LRRC4C: variants seen among roughly 807,000 people sequenced by gnomAD.
LRRC4C encodes leucine-rich repeat-containing protein 4C.
LRRC4C carries 5 observed loss-of-function variants against 33.6 expected under a neutral mutation model. That is an observed-to-expected ratio of 0.15 (90% CI 0.08 to 0.31). The LOEUF is 0.31. LRRC4C is among the 10% of genes least tolerant of loss of function. LRRC4C has a pLI of 1.00. For synonymous variants in LRRC4C, 329 were observed against 302.0 expected, an observed-to-expected ratio of 1.09 and a Z score of -0.93; for missense variants, 560 against 796.7, an observed-to-expected ratio of 0.70 and a Z score of 3.58.
chr11:41,246,482 G>C (rs1591052452), intron 1 of LRRC4C, among the ~76,000 whole-genome samples: 1 of 152,142 alleles, frequency 6.6e-6, no homozygotes, highest in African/African-American at 2.4e-5. Flanking sequence ...ATCCGCAGTC[G>C]TGGCTGAGCA....
At chr11:40,341,101 A>T (rs967659001) in intron 3 of LRRC4C, among the ~76,000 whole-genome samples, 1 of 152,204 alleles carries the variant, frequency 6.6e-6, no homozygotes, top group Non-Finnish European at 1.5e-5. Flanking sequence ...CAACAGTCAA[A>T]AACCCTAAAA....
intron 2 of LRRC4C, among the ~76,000 whole-genome samples, chr11:40,698,799 G>A (rs116839287): frequency 0.013 from 2,054 of 152,196 alleles, 43 homozygotes; most frequent in African/African-American, 0.047. Context: ...TGAGGCAGAC[G>A]AGAGAAATGA....
chr11:40,922,649 C>T (rs1957230449), intron 2 of LRRC4C, among the ~76,000 whole-genome samples: 2 of 152,154 alleles, frequency 1.3e-5, no homozygotes, highest in African/African-American at 4.8e-5. Context: ...TACCTGTAGT[C>T]TGTCAATAAC....
intron 3 of LRRC4C, among the ~76,000 whole-genome samples, chr11:40,610,996 T>C (rs903881675): frequency 1.3e-5 from 2 of 151,826 alleles, no homozygotes; most frequent in African/African-American, 4.8e-5. Flanking sequence ...ATACCAATGA[T>C]TGTTTCTGCA....
intron 4 of LRRC4C, among the ~76,000 whole-genome samples, chr11:40,267,512 C>A (rs1183101232): frequency 6.6e-6 from 1 of 152,060 alleles, no homozygotes; most frequent in Non-Finnish European, 1.5e-5. Flanking sequence ...CCACCACACC[C>A]GGCTAATTTT....
At chr11:41,133,906 T>C (rs1245354763) in intron 1 of LRRC4C, among the ~76,000 whole-genome samples, 1 of 152,078 alleles carries the variant, frequency 6.6e-6, no homozygotes, top group East Asian at 1.9e-4. Context: ...TTCAAGATAG[T>C]CTGCTGAAAC....
chr11:40,881,695 C>A (rs181036269), intron 2 of LRRC4C, among the ~76,000 whole-genome samples: 1 of 150,340 alleles, frequency 6.7e-6, no homozygotes, highest in African/African-American at 2.5e-5. Flanking sequence ...ATTGGGAACA[C>A]AACAATCTCA....
chr11:41,406,243 G>C (rs908623546), intron 1 of LRRC4C, among the ~76,000 whole-genome samples: 2 of 151,974 alleles, frequency 1.3e-5, no homozygotes, highest in Admixed American at 1.3e-4. Flanking sequence ...ATTTTTAAAA[G>C]GTAAAATTTT....
chr11:40,710,605 G>A (rs990677052), intron 2 of LRRC4C, among the ~76,000 whole-genome samples: 11 of 152,128 alleles, frequency 7.2e-5, no homozygotes, highest in Non-Finnish European at 1.2e-4. Context: ...AGGGGCACCC[G>A]GCTGTTTGAG....
intron 2 of LRRC4C, among the ~76,000 whole-genome samples, chr11:40,674,024 A>C (rs1374579981): frequency 6.6e-6 from 1 of 152,184 alleles, no homozygotes; most frequent in Non-Finnish European, 1.5e-5. Context: ...GGCTGCCATA[A>C]GGCATTACCC....
At chr11:40,380,238 C>T (rs757824009) in intron 3 of LRRC4C, among the ~76,000 whole-genome samples, 13 of 152,048 alleles carry the variant, frequency 8.5e-5, no homozygotes, top group Non-Finnish European at 1.5e-4. Context: ...ATGGAGAGAA[C>T]GATCATCTGA....
chr11:40,251,076 C>T (rs1212440946), intron 4 of LRRC4C, among the ~76,000 whole-genome samples: 1 of 152,094 alleles, frequency 6.6e-6, no homozygotes, highest in African/African-American at 2.4e-5. Context: ...GTACATTTTG[C>T]AAGAAACAAA....
rs74893818 is a variant in LRRC4C at position 40,265,881 on chromosome 11, C to T, written c.-175-24283G>A. Among the ~76,000 whole-genome samples the T allele has an allele frequency of 4.4e-3, 662 of 152,118 alleles. 5 individuals are homozygous for T. Among genetic ancestry groups the T allele is most frequent in the African/African-American group, 0.013 (557 of 41,494 alleles). On this transcript the variant is annotated intron_variant, in intron 4 of 6. Coordinates refer to ENST00000528697, the MANE Select transcript of LRRC4C (RefSeq NM_001258419.2). ...AAACATAATTTGTTTGTTTGCAAGA[C>T]GAGAAGGAAGAATTTGACAGATTTT...
In LRRC4C at chr11:41,414,838, G is replaced by T. The variant is rs139394726; in HGVS notation, c.-496+44593C>A. The stretch of plus-strand genomic sequence containing the variant: ...TAATGGTACTCTAAAAAAAGAAAAA[G>T]AAAAAGAAAAAGAAGAAATCTTCCC... On this transcript the variant is annotated intron_variant, in intron 1 of 6. Coordinates refer to ENST00000528697, the MANE Select transcript of LRRC4C (RefSeq NM_001258419.2). 8.5e-5 allele frequency among the ~76,000 whole-genome samples: 13 copies of T among 152,130 alleles called. No homozygotes were observed. The East Asian group carries it at 2.5e-3, about 29-fold the overall frequency.
At chr11:40,396,516 G>GT (rs566969318) in intron 3 of LRRC4C, among the ~76,000 whole-genome samples, 63 of 152,178 alleles carry the variant, frequency 4.1e-4, no homozygotes, top group African/African-American at 1.5e-3. Context: ...GTTTGGAGTG[G>GT]ATAAGAGAGA....
intron 1 of LRRC4C, among the ~76,000 whole-genome samples, chr11:41,431,729 G>A (rs576870363): frequency 2.6e-5 from 4 of 151,998 alleles, no homozygotes; most frequent in South Asian, 2.1e-4. Context: ...TAGAACTACC[G>A]CCGACAATAT....
intron 2 of LRRC4C, among the ~76,000 whole-genome samples, chr11:40,819,476 T>A (rs1271044876): frequency 6.6e-6 from 1 of 152,180 alleles, no homozygotes; most frequent in Non-Finnish European, 1.5e-5. Flanking sequence ...ACCTTTGTTG[T>A]AGTTGATGTT....
intron 4 of LRRC4C, among the ~76,000 whole-genome samples, chr11:40,255,867 A>C (rs1327273521): frequency 6.6e-6 from 1 of 152,234 alleles, no homozygotes; most frequent in Non-Finnish European, 1.5e-5. Flanking sequence ...AGTCTTTAAA[A>C]AGAAGCCAAA....
intron 2 of LRRC4C, among the ~76,000 whole-genome samples, chr11:40,866,841 G>A (rs982639170): frequency 6.6e-6 from 1 of 152,104 alleles, no homozygotes; most frequent in Non-Finnish European, 1.5e-5. Context: ...GTCCATGGAT[G>A]TCTTCATCAT....
Sources: allele counts gnomAD v4.1 joint callset (sites outside exome capture counted in the v4.1 genomes callset), GRCh38; gene constraint gnomAD v4.1.1; transcripts MANE v1.5; gene names NCBI Gene and HGNC (gene_info 2026-07-23, HGNC 2026-07-21).